Variants in RCC1L observed in about 807,000 individuals in gnomAD.
The protein encoded by RCC1L is RCC1 like, also known as RCC1-like G exchanging factor-like protein.
A neutral mutation model predicts 58.6 loss-of-function variants in RCC1L; 46 were observed. The observed-to-expected ratio is 0.79, with a 90% CI of 0.62 to 1.00. The LOEUF is 1.00. Among genes scored for constraint, RCC1L ranks in the 50% least tolerant of loss-of-function variants. RCC1L has a pLI of 0.00. For missense variants in RCC1L, 636 were observed against 623.6 expected, an observed-to-expected ratio of 1.02 and a Z score of -0.21; for synonymous variants, 281 against 262.9, an observed-to-expected ratio of 1.07 and a Z score of -0.67.
intron 3 of RCC1L, 102 bp from the exon 4 acceptor site, chr7:75,064,750 A>T: frequency 7.8e-7 from 1 of 1,285,806 alleles, no homozygotes; most frequent in South Asian, 1.2e-5. Context: ...CTGGTTACTC[A>T]CCCCCACCCC....
At chr7:75,049,920 T>G (rs2131984493) in intron 10 of RCC1L, among the ~76,000 whole-genome samples, 1 of 152,056 alleles carries the variant, frequency 6.6e-6, no homozygotes, top group African/African-American at 2.4e-5. Context: ...AAATCACTTG[T>G]AATTTTTTTT....
downstream of RCC1L, among the ~76,000 whole-genome samples, chr7:75,041,350 T>C (rs1314833486): frequency 6.6e-6 from 1 of 152,056 alleles, no homozygotes; most frequent in African/African-American, 2.4e-5. Context: ...TTTCCCTCCC[T>C]AGAATGTAAG....
In RCC1L at chr7:75,073,553, A is replaced by C. The variant is rs782285780; in HGVS notation, c.185T>G (p.Phe62Cys). The change falls in exon 1 of 11, where the codon TTC becomes TGC. Residue 62 changes from phenylalanine (F) to cysteine (C), a missense_variant. Transcript: ENST00000610322. Reference sequence around the variant, plus strand: ...CCCCGAGAAGCTGAAGCCCCACACGAAGACGCGATCGGCGCGGGCAGCGCG... The same window carrying C: ...CCCCGAGAAGCTGAAGCCCCACACGCAGACGCGATCGGCGCGGGCAGCGCG... ...GERAARADRV[F>C]VWGFSFSGAL... 59 of 1,506,946 alleles carry C rather than the reference A, an allele frequency of 3.9e-5. No homozygotes were observed. The highest frequency in any genetic ancestry group is 3.5e-4 in the Middle Eastern group (2 of 5,726). The allele number at this position is 1,506,946 out of a possible 1,614,324, so 93.3% of individuals were successfully genotyped here. A position where few individuals can be genotyped will look rare whatever the true frequency, so the allele number is the denominator to read the frequency against.
rs782565374 is a variant in RCC1L, at chr7:75,073,653, C to T, written c.85G>A (p.Ala29Thr). 2.7e-6 allele frequency: 4 copies of T among 1,473,448 alleles called. No homozygotes were observed. The highest frequency in any genetic ancestry group is 3.6e-6 in the Non-Finnish European group (4 of 1,120,140). The allele number at this position is 1,473,448 out of a possible 1,614,324, so 91.3% of individuals were successfully genotyped here. Residue 29 changes from alanine to threonine, a missense_variant, in exon 1 of 11, where the codon GCC becomes ACC. Ala to Thr is a moderately conservative substitution (Grantham distance 58, BLOSUM62 0). Transcript: ENST00000610322. ...PGLGRGHWTA[A>T]GRSRSRREAA... Reference sequence around the variant, plus strand: ...TCGCGCCGGCTCCGGGAGCGCCCGGCCGCCGTCCAGTGCCCTCGCCCCAGC... The same window carrying T: ...TCGCGCCGGCTCCGGGAGCGCCCGGTCGCCGTCCAGTGCCCTCGCCCCAGC...
chr7:75,046,155 T>C (rs1233497677), intron 10 of RCC1L, among the ~76,000 whole-genome samples: 1 of 152,248 alleles, frequency 6.6e-6, no homozygotes, highest in Non-Finnish European at 1.5e-5. Flanking sequence ...AACCAAGTCA[T>C]GCTGTCATCC....
At position 75,046,489 on chromosome 7, in the gene RCC1L, G is replaced by A. The variant is rs995302057; in HGVS notation, c.1318-3380C>T. On this transcript the variant is annotated intron_variant, in intron 10 of 10. Coordinates refer to ENST00000610322, the MANE Select transcript of RCC1L (RefSeq NM_030798.5). The stretch of plus-strand genomic sequence containing the variant: ...AGCAAAGGAAGCCACGATGGTCTCT[G>A]CTGCGGGTGGCCTGGGCAGCAAGGG... Among the ~76,000 whole-genome samples the A allele has an allele frequency of 2.0e-3, 305 of 152,348 alleles. 2 individuals carry two copies. Among genetic ancestry groups the A allele is most frequent in the African/African-American group, 6.7e-3 (277 of 41,582 alleles).
intron 9 of RCC1L, among the ~76,000 whole-genome samples, chr7:75,055,291 G>A (rs962197791): frequency 6.6e-6 from 1 of 152,110 alleles, no homozygotes; most frequent in Non-Finnish European, 1.5e-5. Context: ...ACCAAGAAAA[G>A]GACACATTCC....
intron 8 of RCC1L, chr7:75,056,849 C>T (rs1806096420): frequency 2.1e-6 from 2 of 959,138 alleles, no homozygotes; most frequent in Non-Finnish European, 3.2e-6. Flanking sequence ...AACAGGGTCT[C>T]ACCGTGTTGC....
rs1806868952 is a variant in RCC1L, at chr7:75,073,762, T to C, written c.-25A>G. 2.7e-6 allele frequency: 4 copies of C among 1,492,972 alleles called. No homozygotes were observed. The highest frequency in any genetic ancestry group is 3.5e-6 in the Non-Finnish European group (4 of 1,129,362). 92.5% of individuals were successfully genotyped at this position (1,492,972 alleles called of 1,614,324 possible). A position where few individuals can be genotyped will look rare whatever the true frequency, so the allele number is the denominator to read the frequency against. ...TCCTCCGTTCCGCGCCTCAGCAGCC[T>C]CTGGGCGCCGCCATCTTGCGTGACC... On this transcript the variant is annotated 5_prime_UTR_variant, in exon 1 of 11. Coordinates refer to ENST00000610322, the MANE Select transcript of RCC1L (RefSeq NM_030798.5).
intron 10 of RCC1L, among the ~76,000 whole-genome samples, chr7:75,033,213 C>A (rs1468809075): frequency 6.6e-6 from 1 of 152,056 alleles, no homozygotes; most frequent in African/African-American, 2.4e-5. Context: ...GGGGTCCTTC[C>A]CGGAGCATTA....
intron 10 of RCC1L, among the ~76,000 whole-genome samples, chr7:75,035,348 A>G (rs113172055): frequency 0.14 from 20,707 of 152,198 alleles, 1,501 homozygotes; most frequent in South Asian, 0.19. Flanking sequence ...CTACTTTAGC[A>G]GCAGAAACAC....
chr7:75,038,529 CTTT>C (rs34348635), downstream of RCC1L, among the ~76,000 whole-genome samples: 9 of 138,980 alleles, frequency 6.5e-5, no homozygotes, highest in South Asian at 4.6e-4. Flanking sequence ...CGCTTCCCGC[CTTT>C]TTTTTTTTTT....
chr7:75,069,630 C>T (rs145092657), intron 2 of RCC1L, among the ~76,000 whole-genome samples: 369 of 152,252 alleles, frequency 2.4e-3, no homozygotes, highest in African/African-American at 8.2e-3. Flanking sequence ...GGCATGATCT[C>T]GACTCACTGC....
intron 10 of RCC1L, among the ~76,000 whole-genome samples, chr7:75,037,041 C>T (rs1451220826): frequency 6.6e-6 from 1 of 152,162 alleles, no homozygotes; most frequent in African/African-American, 2.4e-5. Flanking sequence ...TTCCGACTGG[C>T]GTGACTTCAT....
chr7:75,052,633 G>T, intron 10 of RCC1L, 78 bp downstream of exon 10: 1 of 1,390,172 alleles, frequency 7.2e-7, no homozygotes, highest in Non-Finnish European at 1.0e-6. Context: ...TGGCCCATCT[G>T]CACGCGAGGT....
intron 10 of RCC1L, among the ~76,000 whole-genome samples, chr7:75,031,608 T>C (rs1805308562): frequency 6.6e-6 from 1 of 151,642 alleles, no homozygotes; most frequent in Non-Finnish European, 1.5e-5. Context: ...CACACTGTGG[T>C]CGGGGGAACA....
Position 75,042,607 on chromosome 7 carries a change from C to T in RCC1L, c.*425G>A, listed in dbSNP as rs886649110. The T allele has an allele frequency of 3.7e-5, 37 of 1,006,660 alleles. No homozygotes were observed. Among genetic ancestry groups the T allele is most frequent in the Non-Finnish European group, 4.3e-5 (36 of 842,392 alleles). 62.4% of individuals were successfully genotyped at this position (1,006,660 alleles called of 1,614,324 possible). On this transcript the variant is annotated 3_prime_UTR_variant, in exon 11 of 11. Coordinates refer to ENST00000610322, the MANE Select transcript of RCC1L (RefSeq NM_030798.5). ...TGACTCCCTCGCCTAAGCTGGGGCTCGGTCCGAGGCACACGCATGGCCTTG... is the reference window on the plus strand; with the variant it reads ...TGACTCCCTCGCCTAAGCTGGGGCTTGGTCCGAGGCACACGCATGGCCTTG...
intron 5 of RCC1L, 60 bp from the exon 6 acceptor site, chr7:75,061,351 A>G: frequency 6.7e-7 from 1 of 1,483,926 alleles, no homozygotes; most frequent in Admixed American, 1.7e-5. Context: ...TGGTGTCCTC[A>G]TCCAAAGAAG....
exon 11 of RCC1L, chr7:75,027,998 C>T: frequency 6.5e-7 from 1 of 1,533,822 alleles, no homozygotes; most frequent in Non-Finnish European, 8.7e-7. Flanking sequence ...GCATGGAACT[C>T]CTTACCTGTT....
Sources: gnomAD v4.1 joint callset for allele counts (sites outside exome capture counted in the v4.1 genomes callset) on GRCh38, gnomAD v4.1.1 for gene constraint, MANE v1.5 for transcripts, NCBI Gene and HGNC (gene_info 2026-07-23, HGNC 2026-07-21) for gene names.